Variants in NIPBL observed in about 807,000 individuals in gnomAD.
The protein encoded by NIPBL is nipped-B-like protein.
A neutral mutation model predicts 321.8 loss-of-function variants in NIPBL; 19 were observed. The observed-to-expected ratio is 0.06, with a 90% CI of 0.04 to 0.09. The LOEUF is 0.09. NIPBL is among the 10% of genes least tolerant of loss of function. NIPBL has a pLI of 1.00. For missense variants in NIPBL, 2,210 were observed against 3,327.0 expected (o/e 0.66, Z 8.26); for synonymous variants, 1,106 against 1,114.1 (o/e 0.99, Z 0.14).
At chr5:36,899,291 C>T (rs1747026148) in intron 1 of NIPBL, among the ~76,000 whole-genome samples, 1 of 151,874 alleles carries the variant, frequency 6.6e-6, no homozygotes, top group African/African-American at 2.4e-5. Context: ...CTCTTGTTTT[C>T]TCTATGTTGA....
chr5:36,939,553 A>G (rs1738835678), intron 1 of NIPBL, among the ~76,000 whole-genome samples: 1 of 152,140 alleles, frequency 6.6e-6, no homozygotes. Flanking sequence ...ATTGAAGGAC[A>G]TTTGTTTCCA....
At chr5:37,006,937 G>GA (rs1195032047) in intron 17 of NIPBL, among the ~76,000 whole-genome samples, 1 of 151,878 alleles carries the variant, frequency 6.6e-6, no homozygotes, top group East Asian at 1.9e-4. Flanking sequence ...AATGAGCAAT[G>GA]AAATGTATAC....
chr5:37,058,780 G>T, intron 43 of NIPBL, 111 bp from the exon 44 acceptor site: 1 of 890,426 alleles, frequency 1.1e-6, no homozygotes, highest in Non-Finnish European at 1.7e-6. Context: ...AAGTCAAGAG[G>T]TTTATAAAAT....
Position 36,976,235 on chromosome 5 carries a change from T to C in NIPBL, c.1328T>C (p.Val443Ala). 1 of 1,613,812 alleles carries C rather than the reference T, an allele frequency of 6.2e-7. No individual in the cohort carries two copies. Among genetic ancestry groups the C allele is most frequent in the African/African-American group, 1.3e-5 (1 of 75,038 alleles). Reference sequence around the variant, plus strand: ...CCTGTTTTACAACAGAACACTTCAGTTGCTGCAAAACAACCCCAGACTTCT... The same window carrying C: ...CCTGTTTTACAACAGAACACTTCAGCTGCTGCAAAACAACCCCAGACTTCT... ...QVPVLQQNTS[V>A]AAKQPQTSVV... is the part of the protein sequence containing the mutation. The change falls in exon 9 of 47, where the codon GTT (valine) becomes GCT (alanine). Residue 443 changes from valine to alanine, a missense_variant. Physicochemically the swap from Val to Ala is moderately conservative, Grantham distance 64. Transcript: ENST00000282516.
intron 10 of NIPBL, among the ~76,000 whole-genome samples, chr5:36,991,031 G>A (rs41364149): frequency 0.025 from 3,775 of 151,876 alleles, 70 homozygotes; most frequent in Middle Eastern, 0.055. Flanking sequence ...CTTTACAAGG[G>A]CCTGATGTGA....
chr5:36,971,904 C>G, intron 7 of NIPBL, 41 bp from the exon 8 acceptor site: 1 of 1,574,624 alleles, frequency 6.4e-7, no homozygotes, highest in East Asian at 2.2e-5. Context: ...TATAAAGCCT[C>G]TCCTGTCATT....
At chr5:37,045,650 T>A in intron 37 of NIPBL, 53 bp downstream of exon 37, 3 of 1,562,246 alleles carry the variant, frequency 1.9e-6, no homozygotes, top group Non-Finnish European at 2.6e-6. Flanking sequence ...TATGGCACTG[T>A]GATCTGAGAA....
At chr5:36,886,605 A>T (rs995523237) in intron 1 of NIPBL, 21 of 535,126 alleles carry the variant, frequency 3.9e-5, no homozygotes, top group Non-Finnish European at 6.4e-5. Context: ...GATGACTGAA[A>T]TTTTTTTAAT....
At chr5:36,975,597 C>A (rs1216290154) in intron 8 of NIPBL, among the ~76,000 whole-genome samples, 179 bp from the exon 9 acceptor site, 41 of 152,114 alleles carry the variant, frequency 2.7e-4, no homozygotes, top group Admixed American at 2.7e-3. Context: ...GCAAGCTAAA[C>A]AACTGTGTGG....
chr5:37,011,954 C>A (rs1221399057), intron 21 of NIPBL, among the ~76,000 whole-genome samples: 1 of 151,968 alleles, frequency 6.6e-6, no homozygotes, highest in African/African-American at 2.4e-5. Context: ...TGTCAATTTG[C>A]TTACTAAAGT....
chr5:36,950,732 A>C (rs1467643927), intron 1 of NIPBL, among the ~76,000 whole-genome samples: 1 of 152,142 alleles, frequency 6.6e-6, no homozygotes, highest in Non-Finnish European at 1.5e-5. Flanking sequence ...AGTTTTACGA[A>C]AAACAATATA....
chr5:36,902,994 A>G (rs1250368071), intron 1 of NIPBL, among the ~76,000 whole-genome samples: 1 of 152,054 alleles, frequency 6.6e-6, no homozygotes, highest in Non-Finnish European at 1.5e-5. Flanking sequence ...ATCCCTGGTT[A>G]GCTGTATTCC....
At chr5:36,997,058 G>A (rs1169879383) in intron 11 of NIPBL, 1 of 152,162 alleles carries the variant, frequency 6.6e-6, no homozygotes, top group East Asian at 1.9e-4. Flanking sequence ...TTGACACACA[G>A]TATATTAAAA....
Position 36,985,833 on chromosome 5 carries a change from G to T in NIPBL, c.2653G>T (p.Glu885Ter). 1 of 1,613,782 alleles carries T rather than the reference G, an allele frequency of 6.2e-7. No individual in the cohort carries two copies. Among genetic ancestry groups the T allele is most frequent in the South Asian group, 1.1e-5 (1 of 91,058 alleles). Reference sequence around the variant, plus strand: ...CTCAAGGGAAAGACCATCTTCTGGGGAACAAAAATCAAGACCTGACAGTCC... The same window carrying T: ...CTCAAGGGAAAGACCATCTTCTGGGTAACAAAAATCAAGACCTGACAGTCC... ...GDSRERPSSG[E>*]QKSRPDSPRV... The change falls in exon 10 of 47, where the codon GAA becomes TAA. Residue 885 changes from glutamate (E) to a stop codon, truncating the protein, a stop_gained. Transcript: ENST00000282516. LOFTEE classifies it high-confidence loss of function.
intron 1 of NIPBL, among the ~76,000 whole-genome samples, chr5:36,937,652 T>TA (rs1738594925): frequency 6.6e-6 from 1 of 152,176 alleles, no homozygotes; most frequent in African/African-American, 2.4e-5. Context: ...ATCCAACGTC[T>TA]TTCTGAGGAC....
intron 6 of NIPBL, among the ~76,000 whole-genome samples, chr5:36,966,091 T>C (rs547049302): frequency 2.4e-4 from 37 of 152,240 alleles, no homozygotes; most frequent in African/African-American, 8.7e-4. Flanking sequence ...TCATCTAATA[T>C]CCAGAATACA....
intron 1 of NIPBL, among the ~76,000 whole-genome samples, chr5:36,942,545 G>C (rs577910700): frequency 1.3e-5 from 2 of 150,758 alleles, no homozygotes; most frequent in African/African-American, 4.9e-5. Flanking sequence ...TTCGAGACCA[G>C]TCTGGCCAAG....
At chr5:36,944,249 C>T (rs145931988) in intron 1 of NIPBL, among the ~76,000 whole-genome samples, 18 of 152,130 alleles carry the variant, frequency 1.2e-4, no homozygotes, top group Admixed American at 9.8e-4. Flanking sequence ...ATTGCTGAAA[C>T]GGTATTTTTG....
At chr5:36,884,488 A>C (rs1218910697) in intron 1 of NIPBL, among the ~76,000 whole-genome samples, 1 of 152,236 alleles carries the variant, frequency 6.6e-6, no homozygotes, top group Non-Finnish European at 1.5e-5. Flanking sequence ...CATTGCCTTT[A>C]CAAAAGTTTC....
Sources: gnomAD v4.1 joint callset for allele counts (sites outside exome capture counted in the v4.1 genomes callset) on GRCh38, gnomAD v4.1.1 for gene constraint, MANE v1.5 for transcripts, NCBI Gene and HGNC (gene_info 2026-07-23, HGNC 2026-07-21) for gene names.